The following FOXP1 variants were observed in gnomAD, a reference collection of about 807,000 sequenced individuals.
The protein encoded by FOXP1 is forkhead box P1.
In FOXP1, 15 loss-of-function variants were observed where a neutral mutation model predicts 98.2. The observed-to-expected ratio is 0.15, with a 90% CI of 0.10 to 0.24. The LOEUF (loss-of-function observed/expected upper bound fraction) is 0.24. Ranked by LOEUF, FOXP1 falls within the 10% of genes least tolerant of loss-of-function variation. The probability of loss-of-function intolerance (pLI) is 1.00; values close to 1 mark genes in which losing one functional copy is unlikely to be tolerated. For synonymous variants in FOXP1, 371 were observed against 314.5 expected (o/e 1.18, Z -1.90); for missense variants, 633 against 848.5 (o/e 0.75, Z 3.15).
At chr3:71,529,926 G>A (rs1426076380) in intron 2 of FOXP1, among the ~76,000 whole-genome samples, 1 of 152,178 alleles carries the variant, frequency 6.6e-6, no homozygotes, top group Non-Finnish European at 1.5e-5. Context: ...AACCCAAGGA[G>A]GGGTCAAGGA....
intron 5 of FOXP1, among the ~76,000 whole-genome samples, chr3:71,297,247 T>C (rs935094201): frequency 6.6e-6 from 1 of 152,184 alleles, no homozygotes; most frequent in Non-Finnish European, 1.5e-5. Context: ...TTGATAGTGA[T>C]TATGAAGAAA....
At chr3:71,191,927 G>A (rs2063005123) in intron 6 of FOXP1, among the ~76,000 whole-genome samples, 1 of 152,166 alleles carries the variant, frequency 6.6e-6, no homozygotes, top group East Asian at 1.9e-4. Flanking sequence ...ACTATGCAAG[G>A]TCTTCAATAA....
chr3:71,113,527 A>C (rs1220076491), intron 6 of FOXP1, among the ~76,000 whole-genome samples: 1 of 152,090 alleles, frequency 6.6e-6, no homozygotes, highest in Non-Finnish European at 1.5e-5. Context: ...AGCCTGGCCA[A>C]CATGGTGAAA....
chr3:71,314,530 A>ATATATATATATATAT (rs1553839965), intron 4 of FOXP1, among the ~76,000 whole-genome samples: 52 of 143,386 alleles, frequency 3.6e-4, no homozygotes, highest in Non-Finnish European at 6.1e-4. Context: ...CCGTCTAAAA[A>ATATATATATATATAT]ATATATATAT....
chr3:71,255,100 G>C (rs1411473911), intron 5 of FOXP1, among the ~76,000 whole-genome samples: 3 of 152,118 alleles, frequency 2.0e-5, no homozygotes, highest in African/African-American at 7.2e-5. Context: ...GTAAAGGCTT[G>C]CTGTAGTTTC....
rs1231630526 is a variant in FOXP1, at chr3:70,965,931, G to A, written c.1848C>T (p.Asn616=). The A allele has an allele frequency of 5.0e-6, 8 of 1,614,118 alleles. No individual in the cohort carries two copies. The highest frequency in any genetic ancestry group is 1.7e-5 in the Admixed American group (1 of 60,020). The part of the protein sequence containing the change: ...LNGAMEHTNS[N]ESDSSPGRSP... ...ATCTGCCTGGACTGCTGTCACTCTC[G>A]TTGCTGTTGGTATGCTCCATTGCCC... is the stretch of plus-strand genomic sequence containing the variant. Residue 616 remains asparagine, a synonymous_variant, in exon 20 of 21, where the codon AAC becomes AAT. Coordinates refer to ENST00000649528, the MANE Select transcript of FOXP1 (RefSeq NM_001349338.3).
intron 19 of FOXP1, chr3:70,969,691 A>C (rs2035773468): frequency 6.6e-6 from 1 of 152,186 alleles, no homozygotes; most frequent in African/African-American, 2.4e-5. Flanking sequence ...ACCCCAAGAA[A>C]TGTTCATATT....
chr3:71,487,460 A>C (rs1439301225), intron 3 of FOXP1, among the ~76,000 whole-genome samples: 1 of 152,226 alleles, frequency 6.6e-6, no homozygotes, highest in African/African-American at 2.4e-5. Flanking sequence ...AAGATCGCTC[A>C]AAAGCCCCGG....
chr3:71,399,992 A>G (rs1238076022), intron 3 of FOXP1, among the ~76,000 whole-genome samples: 1 of 152,230 alleles, frequency 6.6e-6, no homozygotes, highest in Non-Finnish European at 1.5e-5. Flanking sequence ...TTGAAACTCA[A>G]AACACCAATG....
chr3:71,001,634 A>G (rs565837690), intron 12 of FOXP1, among the ~76,000 whole-genome samples: 18 of 152,262 alleles, frequency 1.2e-4, no homozygotes, highest in African/African-American at 3.9e-4. Flanking sequence ...TTAAAAGGAA[A>G]ACTCTGCCTG....
chr3:71,256,494 C>T (rs1006372884), intron 5 of FOXP1, among the ~76,000 whole-genome samples: 2 of 152,330 alleles, frequency 1.3e-5, no homozygotes, highest in Middle Eastern at 6.8e-3. Flanking sequence ...CACCATTCTC[C>T]TGCCGCAGCC....
At chr3:71,376,458 T>A (rs973655981) in intron 3 of FOXP1, among the ~76,000 whole-genome samples, 1 of 152,238 alleles carries the variant, frequency 6.6e-6, no homozygotes, top group Non-Finnish European at 1.5e-5. Flanking sequence ...TGATATTGGC[T>A]AGTACATTCA....
rs115591481 is a variant in FOXP1 at position 71,362,524 on chromosome 3, C to A, written c.-167-3280G>T. Among the ~76,000 whole-genome samples, 1,056 of 152,316 alleles carry A rather than the reference C, an allele frequency of 6.9e-3. 29 individuals are homozygous for A. The highest frequency in any genetic ancestry group is 4.1e-3 in the Non-Finnish European group (281 of 68,028). ...TCACTCTGTTGCTCAGGCTGCAGTG[C>A]AGTGGCATGATCTCTGCTCTTTGCA... On this transcript the variant is annotated intron_variant, in intron 3 of 20. Transcript: ENST00000649528.
chr3:71,373,813 A>T (rs994690943), intron 3 of FOXP1, among the ~76,000 whole-genome samples: 3 of 152,158 alleles, frequency 2.0e-5, no homozygotes, highest in African/African-American at 7.2e-5. Context: ...GGGTGAACTC[A>T]CCTCTACCCT....
At chr3:71,243,063 T>C (rs903212134) in intron 5 of FOXP1, among the ~76,000 whole-genome samples, 9 of 152,114 alleles carry the variant, frequency 5.9e-5, no homozygotes, top group Non-Finnish European at 1.0e-4. Flanking sequence ...CCTGTAAAAT[T>C]TGAATATCTC....
intron 5 of FOXP1, among the ~76,000 whole-genome samples, chr3:71,290,720 T>C (rs2072658792): frequency 6.6e-6 from 1 of 152,178 alleles, no homozygotes; most frequent in Non-Finnish European, 1.5e-5. Context: ...TAATCCAATA[T>C]TCTGCAATCA....
At chr3:71,438,660 T>C (rs556975735) in intron 3 of FOXP1, among the ~76,000 whole-genome samples, 1 of 151,914 alleles carries the variant, frequency 6.6e-6, no homozygotes, top group African/African-American at 2.4e-5. Context: ...ATGGCCAAGA[T>C]CTAGTCCTCA....
intron 2 of FOXP1, among the ~76,000 whole-genome samples, chr3:71,499,836 C>CA (rs1392403024): frequency 6.6e-6 from 1 of 151,912 alleles, no homozygotes; most frequent in Non-Finnish European, 1.5e-5. Context: ...ACATCAGCTG[C>CA]AAAAAAAGGT....
Position 71,583,658 on chromosome 3 carries a change from G to A in FOXP1, c.-534C>T. On this transcript the variant is annotated 5_prime_UTR_variant, in exon 1 of 21. Transcript: ENST00000649528. ...ACTCCCGCCCGCGCGCGCACCCCGCGCACACACTCACTCGCGCACACACGC... is the reference window on the plus strand; with the variant it reads ...ACTCCCGCCCGCGCGCGCACCCCGCACACACACTCACTCGCGCACACACGC... The A allele has an allele frequency of 1.0e-6, 1 of 983,996 alleles. No homozygotes were observed. Among genetic ancestry groups the A allele is most frequent in the Non-Finnish European group, 1.2e-6 (1 of 829,512 alleles). 61.0% of individuals were successfully genotyped at this position (983,996 alleles called of 1,614,324 possible).
Sources: allele counts gnomAD v4.1 joint callset (sites outside exome capture counted in the v4.1 genomes callset), GRCh38; gene constraint gnomAD v4.1.1; transcripts MANE v1.5; gene names NCBI Gene and HGNC (gene_info 2026-07-23, HGNC 2026-07-21).